SLIT3: variants seen among roughly 807,000 people sequenced by gnomAD.
SLIT3 encodes the protein slit guidance ligand 3.
A neutral mutation model predicts 184.0 loss-of-function variants in SLIT3; 68 were observed. The observed-to-expected ratio is 0.37, with a 90% confidence interval of 0.30 to 0.45. SLIT3 has a LOEUF of 0.45. Ranked by LOEUF, SLIT3 falls within the 20% of genes least tolerant of loss-of-function variation. The probability of loss-of-function intolerance (pLI) is 1.00; values close to 1 mark genes in which losing one functional copy is unlikely to be tolerated. For missense variants in SLIT3, 1,707 were observed against 2,026.0 expected (o/e 0.84, Z 3.02); for synonymous variants, 831 against 828.6 (o/e 1.00, Z -0.05).
At position 169,039,462 on chromosome 5, in the gene SLIT3, G is replaced by A. The variant is rs374691504; in HGVS notation, c.413+154017C>T. Among the ~76,000 whole-genome samples the A allele has an allele frequency of 1.9e-3, 282 of 151,776 alleles. 3 individuals are homozygous for A. Among genetic ancestry groups the A allele is most frequent in the African/African-American group, 6.3e-3 (260 of 41,366 alleles). ...CTCCTGAGTAGCTAGGACTATAGGC[G>A]CCTGCCACCACGTCTGGCTAATTTT... is the stretch of plus-strand genomic sequence containing the variant. On this transcript the variant is annotated intron_variant, in intron 4 of 35. Transcript: ENST00000519560.
intron 20 of SLIT3, among the ~76,000 whole-genome samples, chr5:168,732,673 T>C (rs1327880670): frequency 6.6e-6 from 1 of 152,076 alleles, no homozygotes; most frequent in Non-Finnish European, 1.5e-5. Context: ...GCCACATTCC[T>C]ACAACTAACT....
intron 4 of SLIT3, among the ~76,000 whole-genome samples, chr5:169,135,091 C>T (rs550362987): frequency 6.6e-6 from 1 of 152,154 alleles, no homozygotes; most frequent in African/African-American, 2.4e-5. Context: ...AGAGGGTGGA[C>T]TTGATCAGTG....
At chr5:169,096,294 T>C (rs1412495232) in intron 4 of SLIT3, among the ~76,000 whole-genome samples, 1 of 152,248 alleles carries the variant, frequency 6.6e-6, no homozygotes, top group African/African-American at 2.4e-5. Flanking sequence ...AAAATAATGA[T>C]GTTATAAACA....
At chr5:168,682,341 G>C (rs1439199693) in intron 32 of SLIT3, among the ~76,000 whole-genome samples, 1 of 152,210 alleles carries the variant, frequency 6.6e-6, no homozygotes, top group East Asian at 1.9e-4. Context: ...GCCCAACTCA[G>C]ACTGCTCTTT....
chr5:169,211,977 G>T, intron 3 of SLIT3, among the ~76,000 whole-genome samples: 1 of 152,112 alleles, frequency 6.6e-6, no homozygotes, highest in Admixed American at 6.5e-5. Context: ...CTTTTTTATG[G>T]CTGCATAGTA....
In SLIT3 at chr5:169,193,568, T is replaced by C. The variant is rs1328544356; in HGVS notation, c.342-18A>G. On this transcript the variant is annotated intron_variant, in intron 3 of 35. Transcript: ENST00000519560. ...TCAGGCGCCTAAAGAGGAAAGAGAA[T>C]GGAAGGATGTCAAGGGGACATTAAA... 5 of 1,600,296 alleles carry C rather than the reference T, an allele frequency of 3.1e-6. No homozygotes were observed. Among genetic ancestry groups the C allele is most frequent in the Non-Finnish European group, 4.3e-6 (5 of 1,167,412 alleles).
chr5:168,785,711 C>T (rs1044975312), intron 12 of SLIT3, among the ~76,000 whole-genome samples, 196 bp downstream of exon 12: 2 of 152,206 alleles, frequency 1.3e-5, no homozygotes, highest in African/African-American at 2.4e-5. Flanking sequence ...ACACTGACCT[C>T]GGTCTTCCTC....
At chr5:168,671,103 C>G (rs1761224098) in intron 34 of SLIT3, 95 bp downstream of exon 34, 1 of 1,398,474 alleles carries the variant, frequency 7.2e-7, no homozygotes, top group Non-Finnish European at 9.8e-7. Context: ...ACTGCAACTC[C>G]TCCAGCCTCC....
chr5:169,219,063 C>T (rs762211567), intron 3 of SLIT3, among the ~76,000 whole-genome samples: 16 of 152,154 alleles, frequency 1.1e-4, no homozygotes, highest in Non-Finnish European at 2.2e-4. Context: ...AGAATGGACC[C>T]TGAATCTCTC....
chr5:169,217,174 C>T (rs933697053), intron 3 of SLIT3, among the ~76,000 whole-genome samples: 4 of 151,698 alleles, frequency 2.6e-5, no homozygotes, highest in Non-Finnish European at 4.4e-5. Flanking sequence ...TACCCTTCCC[C>T]CAGCCTTGGG....
chr5:168,868,754 AAAAAAAAAAAAAG>A (rs1759404214), intron 5 of SLIT3, among the ~76,000 whole-genome samples: 1 of 148,922 alleles, frequency 6.7e-6, no homozygotes, highest in Admixed American at 6.7e-5. Context: ...CCTCAAAAAA[AAAAAAAAAAAAAG>A]AAAAAGAAAA....
chr5:169,249,222 A>G (rs909625915), intron 2 of SLIT3, among the ~76,000 whole-genome samples: 1 of 152,226 alleles, frequency 6.6e-6, no homozygotes, highest in Admixed American at 6.5e-5. Flanking sequence ...TCACAGTAAT[A>G]AAGGGCCACT....
intron 7 of SLIT3, among the ~76,000 whole-genome samples, chr5:168,820,693 T>C (rs1757501628): frequency 6.6e-6 from 1 of 152,220 alleles, no homozygotes; most frequent in South Asian, 2.1e-4. Context: ...AATCTTTTGC[T>C]GATGGACACA....
At chr5:168,902,394 T>C (rs1048121908) in intron 4 of SLIT3, among the ~76,000 whole-genome samples, 1 of 152,228 alleles carries the variant, frequency 6.6e-6, no homozygotes, top group Non-Finnish European at 1.5e-5. Flanking sequence ...TATACTTTTG[T>C]TACGTGCTGT....
intron 4 of SLIT3, among the ~76,000 whole-genome samples, chr5:168,955,086 G>GT (rs1265732906): frequency 8.6e-6 from 1 of 116,764 alleles, no homozygotes; most frequent in East Asian, 2.6e-4. Context: ...CCTTCCTGAT[G>GT]TTGGGGGGTG....
At chr5:168,935,112 T>C (rs1389499859) in intron 4 of SLIT3, among the ~76,000 whole-genome samples, 1 of 135,416 alleles carries the variant, frequency 7.4e-6, no homozygotes, top group Non-Finnish European at 1.5e-5. Context: ...CACTCCAGCC[T>C]GGGTGACAGA....
chr5:168,892,366 G>T (rs375452871), intron 4 of SLIT3, among the ~76,000 whole-genome samples: 1 of 152,190 alleles, frequency 6.6e-6, no homozygotes, highest in Non-Finnish European at 1.5e-5. Flanking sequence ...CATAGCTAGT[G>T]CCTACTATAT....
intron 4 of SLIT3, among the ~76,000 whole-genome samples, chr5:168,933,125 G>C (rs996478066): frequency 6.6e-6 from 1 of 152,070 alleles, no homozygotes; most frequent in African/African-American, 2.4e-5. Flanking sequence ...AGATGTGCAG[G>C]GGGGTGGTGA....
At chr5:168,885,367 G>A (rs892456678) in intron 4 of SLIT3, among the ~76,000 whole-genome samples, 1 of 152,194 alleles carries the variant, frequency 6.6e-6, no homozygotes, top group Non-Finnish European at 1.5e-5. Context: ...CTGATTCAAT[G>A]AGCAGGGCTC....
Sources: gnomAD v4.1 joint callset for allele counts (sites outside exome capture counted in the v4.1 genomes callset) on GRCh38, gnomAD v4.1.1 for gene constraint, MANE v1.5 for transcripts, NCBI Gene and HGNC (gene_info 2026-07-23, HGNC 2026-07-21) for gene names.